Variants in DLG2 observed in about 807,000 individuals in gnomAD.
DLG2 encodes the protein disks large homolog 2.
Under a neutral mutation model 132.5 loss-of-function variants are expected in DLG2, and 45 were observed. That is an observed-to-expected ratio of 0.34 (90% confidence interval 0.27 to 0.44). The LOEUF is 0.44. Ranked by LOEUF, DLG2 falls within the 20% of genes least tolerant of loss-of-function variation. The pLI, the probability that DLG2 is intolerant of heterozygous loss-of-function variation, is 1.00. For synonymous variants in DLG2, 424 were observed against 419.6 expected (o/e 1.01, Z -0.13); for missense variants, 1,045 against 1,196.9 (o/e 0.87, Z 1.87).
At chr11:85,481,025 A>G (rs1267204767) in intron 3 of DLG2, among the ~76,000 whole-genome samples, 1 of 152,202 alleles carries the variant, frequency 6.6e-6, no homozygotes, top group African/African-American at 2.4e-5. Context: ...CACTTATTCA[A>G]CTTATCTCAG....
chr11:84,163,106 TCGATATCACACAAATG>T (rs1269771765), intron 9 of DLG2, among the ~76,000 whole-genome samples: 2 of 152,178 alleles, frequency 1.3e-5, no homozygotes, highest in Non-Finnish European at 2.9e-5. Context: ...GATGATAGTA[TCGATATCACACAAATG>T]AAAACATCTT....
At chr11:84,021,817 G>C (rs1566075242) in intron 11 of DLG2, among the ~76,000 whole-genome samples, 1 of 149,794 alleles carries the variant, frequency 6.7e-6, no homozygotes, top group Admixed American at 6.7e-5. Context: ...GAGTGCAATT[G>C]GCTCACCTCA....
chr11:83,544,898 C>G (rs542468554), intron 19 of DLG2, among the ~76,000 whole-genome samples: 75 of 152,128 alleles, frequency 4.9e-4, no homozygotes, highest in Non-Finnish European at 1.0e-3. Context: ...CCACTTGTTG[C>G]CCTCTGGCCA....
chr11:85,246,494 C>T (rs2076140376), intron 4 of DLG2, among the ~76,000 whole-genome samples: 1 of 151,710 alleles, frequency 6.6e-6, no homozygotes, highest in Non-Finnish European at 1.5e-5. Flanking sequence ...TAACATTGTA[C>T]TGTGTTTATT....
chr11:83,814,646 C>T (rs1330895422), intron 17 of DLG2: 2 of 155,800 alleles, frequency 1.3e-5, no homozygotes, highest in Non-Finnish European at 2.9e-5. Flanking sequence ...ATGCGCTCTC[C>T]TAGGATTCTC....
At chr11:83,658,479 C>T (rs933006002) in intron 18 of DLG2, among the ~76,000 whole-genome samples, 4 of 152,186 alleles carry the variant, frequency 2.6e-5, no homozygotes, top group African/African-American at 4.8e-5. Context: ...TGATAATAAA[C>T]AGTTATTCTT....
chr11:84,359,473 C>T (rs2098637204), intron 7 of DLG2, among the ~76,000 whole-genome samples: 1 of 151,810 alleles, frequency 6.6e-6, no homozygotes, highest in African/African-American at 2.4e-5. Flanking sequence ...GAAATATTTG[C>T]TGTTATTAGC....
At chr11:85,313,515 A>G (rs1268723888) in intron 3 of DLG2, among the ~76,000 whole-genome samples, 1 of 152,076 alleles carries the variant, frequency 6.6e-6, no homozygotes, top group East Asian at 1.9e-4. Flanking sequence ...ACATTTAAGT[A>G]CATTAATAAA....
chr11:83,867,243 C>T (rs1026117533), intron 16 of DLG2, among the ~76,000 whole-genome samples: 12 of 152,108 alleles, frequency 7.9e-5, no homozygotes, highest in Non-Finnish European at 1.8e-4. Flanking sequence ...CTCAGTTCTG[C>T]TACTTAACTT....
At chr11:84,206,602 A>C (rs920056682) in intron 8 of DLG2, among the ~76,000 whole-genome samples, 1 of 152,080 alleles carries the variant, frequency 6.6e-6, no homozygotes, top group Non-Finnish European at 1.5e-5. Flanking sequence ...AAAATCAATC[A>C]GTGTAACTCA....
chr11:85,373,376 T>G (rs185641506), intron 3 of DLG2, among the ~76,000 whole-genome samples: 1 of 152,302 alleles, frequency 6.6e-6, no homozygotes, highest in Non-Finnish European at 1.5e-5. Flanking sequence ...CAGGAACACT[T>G]AGGCTTCTAG....
intron 5 of DLG2, among the ~76,000 whole-genome samples, chr11:85,143,385 T>C (rs2076626133): frequency 6.6e-6 from 1 of 151,902 alleles, no homozygotes; most frequent in South Asian, 2.1e-4. Context: ...ATATCAGTTG[T>C]AATGTCACGT....
At position 85,566,487 on chromosome 11, in the gene DLG2, T is replaced by C; in HGVS notation, c.40+32170A>G. ...GTGGCTTAAACAACAAACATTTATT[T>C]CTCAAAGTTCTAGAGGTTGGAAGTC... On this transcript the variant is annotated intron_variant, in intron 3 of 27. Transcript: ENST00000376104. Among the ~76,000 whole-genome samples the C allele has an allele frequency of 1.3e-5, 2 of 152,134 alleles. 1 individual carries two copies. The highest frequency in any genetic ancestry group is 2.9e-5 in the Non-Finnish European group (2 of 68,024).
intron 18 of DLG2, among the ~76,000 whole-genome samples, chr11:83,728,341 A>G (rs2090399348): frequency 6.6e-6 from 1 of 152,170 alleles, no homozygotes; most frequent in African/African-American, 2.4e-5. Flanking sequence ...TGCTTCCCTA[A>G]TAGCCTCTCT....
At chr11:84,321,587 C>T (rs374822407) in intron 7 of DLG2, among the ~76,000 whole-genome samples, 2 of 152,108 alleles carry the variant, frequency 1.3e-5, no homozygotes, top group African/African-American at 4.8e-5. Flanking sequence ...TACCTTGTGG[C>T]CATGGAGGAT....
rs779573159 is a variant in DLG2, at chr11:83,459,767, T to G, written c.*51A>C. The stretch of plus-strand genomic sequence containing the variant: ...GCCTCCAAGTAGTATGTTATATATA[T>G]TTTGTTCTTCTAAATGCTCTTCTGT... On this transcript the variant is annotated 3_prime_UTR_variant, in exon 28 of 28. Coordinates refer to ENST00000376104, the MANE Select transcript of DLG2 (RefSeq NM_001142699.3). 1.0e-6 allele frequency: 1 copy of G among 988,366 alleles called. No homozygotes were observed. The highest frequency in any genetic ancestry group is 1.6e-6 in the Non-Finnish European group (1 of 615,374). 61.2% of individuals were successfully genotyped at this position (988,366 alleles called of 1,614,324 possible).
At chr11:84,844,111 GTGTGTGTGTGTGTGTGTGTGTGTGTATA>G (rs2081117188) in intron 6 of DLG2, among the ~76,000 whole-genome samples, 3 of 72,918 alleles carry the variant, frequency 4.1e-5, no homozygotes, top group Non-Finnish European at 8.4e-5. Context: ...ATGTTTGTGT[GTGTGTGTGTGTGTGTGTGTGTGTGTATA>G]TATATATATA....
At chr11:85,550,830 A>G (rs974610867) in intron 3 of DLG2, among the ~76,000 whole-genome samples, 2 of 152,340 alleles carry the variant, frequency 1.3e-5, no homozygotes, top group African/African-American at 4.8e-5. Context: ...CTTTTTCTAG[A>G]GCCTGTCATA....
chr11:84,077,206 A>G (rs2096841121), intron 10 of DLG2, among the ~76,000 whole-genome samples: 1 of 152,184 alleles, frequency 6.6e-6, no homozygotes, highest in Non-Finnish European at 1.5e-5. Flanking sequence ...AGATCTGTTT[A>G]TACACACTCT....
Sources: allele counts gnomAD v4.1 joint callset (sites outside exome capture counted in the v4.1 genomes callset), GRCh38; gene constraint gnomAD v4.1.1; transcripts MANE v1.5; gene names NCBI Gene and HGNC (gene_info 2026-07-23, HGNC 2026-07-21).